Variants in IQSEC1 observed in about 807,000 individuals in gnomAD.
IQSEC1 encodes IQ motif and SEC7 domain-containing protein 1.
IQSEC1 carries 31 observed loss-of-function variants against 91.0 expected under a neutral mutation model. That is an observed-to-expected ratio of 0.34 (90% CI 0.26 to 0.46). The LOEUF (loss-of-function observed/expected upper bound fraction) is 0.46, where lower values mean the gene tolerates loss of function less well. IQSEC1 is among the 20% of genes least tolerant of loss of function. The probability of loss-of-function intolerance (pLI) is 1.00; values close to 1 mark genes in which losing one functional copy is unlikely to be tolerated. For synonymous variants in IQSEC1, 699 were observed against 662.6 expected (o/e 1.05, Z -0.84); for missense variants, 1,388 against 1,575.6 (o/e 0.88, Z 2.02).
intron 1 of IQSEC1, among the ~76,000 whole-genome samples, chr3:13,266,880 TCCC>T (rs1187093843): frequency 6.6e-6 from 1 of 151,870 alleles, no homozygotes; most frequent in Non-Finnish European, 1.5e-5. Flanking sequence ...GCACATCTGC[TCCC>T]CCACCAGGCT....
chr3:12,972,147 A>G (rs1700934382), intron 1 of IQSEC1, among the ~76,000 whole-genome samples: 3 of 151,586 alleles, frequency 2.0e-5, no homozygotes, highest in Admixed American at 2.0e-4. Context: ...CCATCTCTAC[A>G]AAAAAACAGA....
rs1702745658 is a variant in IQSEC1 at position 13,008,767 on chromosome 3, G to A, written c.23+64225C>T. Among the ~76,000 whole-genome samples the A allele has an allele frequency of 6.6e-6, 1 of 152,274 alleles. No individual in the cohort carries two copies. Among genetic ancestry groups the A allele is most frequent in the South Asian group, 2.1e-4 (1 of 4,826 alleles). Reference sequence around the variant, plus strand: ...TTGGTCGAGTTACTGATAGAACAACGCTCTTGATCCGGCTCCAGGGCAGAA... The same window carrying A: ...TTGGTCGAGTTACTGATAGAACAACACTCTTGATCCGGCTCCAGGGCAGAA... On this transcript the variant is annotated intron_variant, in intron 1 of 13. Transcript: ENST00000613206. The surrounding 1 kb of genome is among the most constrained non-coding windows in gnomAD (Gnocchi z 4.1).
At chr3:13,195,292 T>C (rs1260451367) in intron 1 of IQSEC1, among the ~76,000 whole-genome samples, 1 of 152,168 alleles carries the variant, frequency 6.6e-6, no homozygotes, top group African/African-American at 2.4e-5. Context: ...GAGATGCCAC[T>C]GCATGCCTAC....
intron 1 of IQSEC1, among the ~76,000 whole-genome samples, chr3:13,174,003 C>T (rs1252004243): frequency 6.6e-6 from 1 of 152,130 alleles, no homozygotes; most frequent in Non-Finnish European, 1.5e-5. Flanking sequence ...TCTATGGGTC[C>T]TAGGAGAGGC....
chr3:13,041,536 C>T (rs1260129591), intron 1 of IQSEC1, among the ~76,000 whole-genome samples: 1 of 152,196 alleles, frequency 6.6e-6, no homozygotes, highest in Non-Finnish European at 1.5e-5. Context: ...TTCCCTCCTC[C>T]AGGTCTTTAA....
intron 1 of IQSEC1, among the ~76,000 whole-genome samples, chr3:13,210,766 G>GTTTC (rs1218270387): frequency 6.6e-6 from 1 of 152,132 alleles, no homozygotes; most frequent in Non-Finnish European, 1.5e-5. Context: ...GGAGTCATGT[G>GTTTC]TTTCTCCCTG....
At chr3:13,106,367 CCTT>C (rs1291583066) in intron 2 of IQSEC1, among the ~76,000 whole-genome samples, 1 of 152,176 alleles carries the variant, frequency 6.6e-6, no homozygotes, top group Non-Finnish European at 1.5e-5. Flanking sequence ...CCTGGAGTCC[CCTT>C]CTTATTTGGG....
chr3:12,993,410 G>A (rs1053546257), intron 1 of IQSEC1, among the ~76,000 whole-genome samples: 10 of 152,034 alleles, frequency 6.6e-5, no homozygotes, highest in Admixed American at 6.5e-4. Context: ...TCGCAGGCTC[G>A]GGACCCTGGA....
intron 2 of IQSEC1, among the ~76,000 whole-genome samples, chr3:13,124,379 C>T (rs1234834324): frequency 6.6e-6 from 1 of 152,178 alleles, no homozygotes; most frequent in East Asian, 1.9e-4. Flanking sequence ...GGAAGTCACT[C>T]TCTACTCCCC....
chr3:13,024,212 C>G (rs1208355131), intron 1 of IQSEC1, among the ~76,000 whole-genome samples: 1 of 152,220 alleles, frequency 6.6e-6, no homozygotes, highest in Non-Finnish European at 1.5e-5. Flanking sequence ...TTCATATATT[C>G]ACACATCCAC....
chr3:12,939,565 C>G (rs1424039254), intron 2 of IQSEC1, among the ~76,000 whole-genome samples: 1 of 152,192 alleles, frequency 6.6e-6, no homozygotes, highest in African/African-American at 2.4e-5. Flanking sequence ...GCAATCTGTC[C>G]CATTCCCACT....
chr3:12,942,528 G>A (rs919336642), intron 1 of IQSEC1, among the ~76,000 whole-genome samples: 14 of 152,212 alleles, frequency 9.2e-5, no homozygotes, highest in African/African-American at 1.7e-4. Context: ...GCATGAACCC[G>A]GGAAGCAGAG....
At chr3:13,080,602 T>C (rs1009998125) in intron 2 of IQSEC1, among the ~76,000 whole-genome samples, 1 of 151,846 alleles carries the variant, frequency 6.6e-6, no homozygotes, top group African/African-American at 2.4e-5. Flanking sequence ...CCTGGGGACA[T>C]GGACATTTAA....
Position 13,103,909 on chromosome 3 carries a change from C to A in IQSEC1, c.303-56387G>T, listed in dbSNP as rs1260413946. On this transcript the variant is annotated intron_variant, in intron 2 of 15. Transcript: ENST00000648114. This position sits in a 1 kb window ranked among gnomAD's most constrained non-coding sequence, Gnocchi z 4.1. ...CAAAACTTAGGACATTACCTTTGTGCCAGGTATTCTTCTATTTAATCTTCA... is the reference window on the plus strand; with the variant it reads ...CAAAACTTAGGACATTACCTTTGTGACAGGTATTCTTCTATTTAATCTTCA... 6.6e-6 allele frequency among the ~76,000 whole-genome samples: 1 copy of A among 152,164 alleles called. No individual in the cohort carries two copies. Among genetic ancestry groups the A allele is most frequent in the African/African-American group, 2.4e-5 (1 of 41,434 alleles).
At chr3:13,174,473 C>G (rs1693679154) in intron 1 of IQSEC1, among the ~76,000 whole-genome samples, 1 of 152,160 alleles carries the variant, frequency 6.6e-6, no homozygotes, top group African/African-American at 2.4e-5. Flanking sequence ...CCATGGCCTC[C>G]CCATCTCAGC....
chr3:13,038,262 GTATATATATATATATATATA>G lies in IQSEC1; in HGVS notation c.23+34710_23+34729del, dbSNP rs58338571. ...CAAGTATATATATGTGTGTGTGTGT[GTATATATATATATATATATA>G]TATATATATATATATAAAATGAAGT... On this transcript the variant is annotated intron_variant, in intron 1 of 13. Transcript: ENST00000613206. Among the ~76,000 whole-genome samples the G allele has an allele frequency of 1.5e-4, 15 of 101,220 alleles. 1 individual carries two copies. Among genetic ancestry groups the G allele is most frequent in the South Asian group, 1.3e-3 (4 of 3,082 alleles). The allele number at this position is 101,220 out of a possible 152,430, so 66.4% of individuals were successfully genotyped here.
At position 12,922,380 on chromosome 3, in the gene IQSEC1, A is replaced by C; in HGVS notation, c.1731-138T>G. ...GAGAGCCCCTGCCTGACTCCGACCA[A>C]TCAGCCAAGAGCCCTCAGAATGCAG... On this transcript the variant is annotated intron_variant, in intron 4 of 13. Transcript: ENST00000613206. This position sits in a 1 kb window ranked among gnomAD's most constrained non-coding sequence, Gnocchi z 5.1. 2 of 1,066,270 alleles carry C rather than the reference A, an allele frequency of 1.9e-6. No individual in the cohort carries two copies. The highest frequency in any genetic ancestry group is 2.6e-6 in the Non-Finnish European group (2 of 782,420). 66.1% of individuals were successfully genotyped at this position (1,066,270 alleles called of 1,614,324 possible).
At chr3:13,157,377 T>C (rs1479704930) in intron 2 of IQSEC1, among the ~76,000 whole-genome samples, 1 of 152,128 alleles carries the variant, frequency 6.6e-6, no homozygotes, top group African/African-American at 2.4e-5. Flanking sequence ...TCAATGTGGC[T>C]CCTATAAGAT....
intron 1 of IQSEC1, among the ~76,000 whole-genome samples, chr3:13,222,387 C>T (rs1326578714): frequency 6.6e-6 from 1 of 152,214 alleles, no homozygotes; most frequent in East Asian, 1.9e-4. Flanking sequence ...ACTTTCTTTG[C>T]TTCCACCTTT....
Sources: allele counts gnomAD v4.1 joint callset (sites outside exome capture counted in the v4.1 genomes callset), GRCh38; gene constraint gnomAD v4.1.1; non-coding constraint Gnocchi (gnomAD v3.1); transcripts MANE v1.5; gene names NCBI Gene and HGNC (gene_info 2026-07-23, HGNC 2026-07-21).